SNX29: variants seen among roughly 807,000 people sequenced by gnomAD.
SNX29 encodes the protein sorting nexin 29, also known as sorting nexin-29.
A neutral mutation model predicts 102.1 loss-of-function variants in SNX29; 78 were observed. The ratio of observed to expected loss-of-function variants is 0.76; its 90% CI spans 0.64 to 0.92. SNX29 has a LOEUF of 0.92. Among genes scored for constraint, SNX29 ranks in the 40% least tolerant of loss-of-function variants. The pLI is 0.00. For missense variants in SNX29, 1,280 were observed against 1,061.7 expected (o/e 1.21, Z -2.86); for synonymous variants, 580 against 414.5 (o/e 1.40, Z -4.85).
At chr16:12,413,301 T>A (rs1031343669) in intron 18 of SNX29, among the ~76,000 whole-genome samples, 2 of 152,136 alleles carry the variant, frequency 1.3e-5, no homozygotes, top group African/African-American at 4.8e-5. Flanking sequence ...TGGGATCTCC[T>A]AACTGCAGGC....
intron 20 of SNX29, among the ~76,000 whole-genome samples, chr16:12,548,609 C>A (rs2141320913): frequency 6.6e-6 from 1 of 152,310 alleles, no homozygotes; most frequent in South Asian, 2.1e-4. Flanking sequence ...GGTACTCTGT[C>A]CAAGCCCCAC....
chr16:12,382,662 G>A (rs962843245), intron 16 of SNX29, among the ~76,000 whole-genome samples: 3 of 152,298 alleles, frequency 2.0e-5, no homozygotes, highest in Non-Finnish European at 2.9e-5. Context: ...TTATTTGCTC[G>A]CAGTTCTGGA....
chr16:12,180,944 TTCTTTTTCCC>T (rs1483875185), intron 13 of SNX29, among the ~76,000 whole-genome samples: 15 of 152,232 alleles, frequency 9.9e-5, no homozygotes, highest in African/African-American at 3.6e-4. Flanking sequence ...CATCTGGATC[TTCTTTTTCCC>T]TCTTCTCTAA....
intron 16 of SNX29, among the ~76,000 whole-genome samples, chr16:12,397,782 G>T (rs2083773130): frequency 6.6e-6 from 1 of 152,156 alleles, no homozygotes; most frequent in Non-Finnish European, 1.5e-5. Flanking sequence ...ACAGGGAGCT[G>T]AGGATAGGTA....
chr16:12,408,039 T>C (rs186885148), intron 18 of SNX29, among the ~76,000 whole-genome samples: 35 of 152,074 alleles, frequency 2.3e-4, no homozygotes, highest in Non-Finnish European at 2.2e-4. Context: ...ATACTTACAG[T>C]CCCAGCTACT....
rs766897186 is a variant in SNX29 at position 12,571,285 on chromosome 16, C to T, written c.*2656C>T. The T allele has an allele frequency of 4.3e-6, 1 of 232,096 alleles. No individual in the cohort carries two copies. The highest frequency in any genetic ancestry group is 8.5e-6 in the Non-Finnish European group (1 of 117,344). The allele number at this position is 232,096 out of a possible 1,614,324, so 14.4% of individuals were successfully genotyped here. A position where few individuals can be genotyped will look rare whatever the true frequency, so the allele number is the denominator to read the frequency against. Reference sequence around the variant, plus strand: ...AGAATTGTGGCTGAAACCTGGTGCCCAAATTCCACACCCTGGAAATGTGTC... The same window carrying T: ...AGAATTGTGGCTGAAACCTGGTGCCTAAATTCCACACCCTGGAAATGTGTC... On this transcript the variant is annotated 3_prime_UTR_variant, in exon 21 of 21. Coordinates refer to ENST00000566228, the MANE Select transcript of SNX29 (RefSeq NM_032167.5).
intron 20 of SNX29, among the ~76,000 whole-genome samples, chr16:12,545,084 G>A (rs979609228): frequency 1.3e-5 from 2 of 152,184 alleles, no homozygotes; most frequent in African/African-American, 4.8e-5. Flanking sequence ...CACTGTGCCA[G>A]CCATCAGACC....
chr16:12,570,308 A>C lies in SNX29; in HGVS notation c.*1679A>C. 9.7e-7 allele frequency: 1 copy of C among 1,029,982 alleles called. No individual in the cohort carries two copies. The highest frequency in any genetic ancestry group is 1.2e-6 in the Non-Finnish European group (1 of 847,050). 63.8% of individuals were successfully genotyped at this position (1,029,982 alleles called of 1,614,324 possible). ...AGTTTGCGAGTGTGGAGGACCCGAG[A>C]CATCCTGTAAAGGCAACTTGGTCTC... On this transcript the variant is annotated 3_prime_UTR_variant, in exon 21 of 21. Transcript: ENST00000566228.
At chr16:12,331,883 C>G (rs1325969161) in intron 15 of SNX29, among the ~76,000 whole-genome samples, 1 of 152,000 alleles carries the variant, frequency 6.6e-6, no homozygotes, top group Admixed American at 6.6e-5. Context: ...AACAATTTGG[C>G]CAAGCACAGT....
At chr16:12,329,193 C>G (rs1596935838) in intron 15 of SNX29, among the ~76,000 whole-genome samples, 1 of 148,274 alleles carries the variant, frequency 6.7e-6, no homozygotes. Context: ...AGGAGGATCT[C>G]TTGAGCCCAG....
At chr16:12,549,829 C>G (rs979782483) in intron 20 of SNX29, among the ~76,000 whole-genome samples, 7 of 152,238 alleles carry the variant, frequency 4.6e-5, no homozygotes, top group East Asian at 1.9e-4. Flanking sequence ...GTGGCCAGGC[C>G]TTGCCTCCTT....
chr16:12,351,375 C>T (rs560342146), intron 15 of SNX29, among the ~76,000 whole-genome samples: 74 of 146,524 alleles, frequency 5.1e-4, no homozygotes, highest in African/African-American at 1.6e-3. Flanking sequence ...GTAACAGATT[C>T]TAAGGCATCG....
chr16:12,191,362 G>T (rs2076638275), intron 13 of SNX29, among the ~76,000 whole-genome samples: 1 of 152,166 alleles, frequency 6.6e-6, no homozygotes, highest in South Asian at 2.1e-4. Context: ...TGCACTGTCT[G>T]CTTGTGAGTC....
chr16:12,376,314 G>A (rs1381647261), intron 16 of SNX29, among the ~76,000 whole-genome samples: 4 of 152,240 alleles, frequency 2.6e-5, no homozygotes, highest in Non-Finnish European at 5.9e-5. Flanking sequence ...GCAATCGCTA[G>A]TTATTTTATG....
At chr16:12,410,021 G>T (rs1415732844) in intron 18 of SNX29, among the ~76,000 whole-genome samples, 1 of 151,978 alleles carries the variant, frequency 6.6e-6, no homozygotes. Context: ...CTGAGAGGGA[G>T]TCTCGCTCTG....
At chr16:12,533,344 G>A (rs2076982562) in intron 20 of SNX29, among the ~76,000 whole-genome samples, 1 of 152,164 alleles carries the variant, frequency 6.6e-6, no homozygotes, top group African/African-American at 2.4e-5. Context: ...TGTGGGTCCT[G>A]GGATAGCTTA....
intron 19 of SNX29, among the ~76,000 whole-genome samples, chr16:12,518,173 C>G (rs1188365259): frequency 6.6e-6 from 1 of 152,092 alleles, no homozygotes; most frequent in Admixed American, 6.5e-5. Context: ...GTTTTGAGAG[C>G]TCTCTCTGCC....
chr16:12,209,451 A>G (rs1298876082), intron 14 of SNX29, among the ~76,000 whole-genome samples: 1 of 152,062 alleles, frequency 6.6e-6, no homozygotes, highest in Non-Finnish European at 1.5e-5. Context: ...TGGCCTCCCA[A>G]AGTGCTGGGA....
chr16:12,568,676 G>C lies in SNX29; in HGVS notation c.*47G>C. 1.3e-6 allele frequency: 2 copies of C among 1,586,182 alleles called. No individual in the cohort carries two copies. Among genetic ancestry groups the C allele is most frequent in the Non-Finnish European group, 1.7e-6 (2 of 1,172,716 alleles). ...GGGCCCTGTGCGTGGCACCAGCTGC[G>C]TCCACCCCAGCCACTGCCGCTGGCC... On this transcript the variant is annotated 3_prime_UTR_variant, in exon 21 of 21. Transcript: ENST00000566228.
Sources: gnomAD v4.1 joint callset for allele counts (sites outside exome capture counted in the v4.1 genomes callset) on GRCh38, gnomAD v4.1.1 for gene constraint, MANE v1.5 for transcripts, NCBI Gene and HGNC (gene_info 2026-07-23, HGNC 2026-07-21) for gene names.